The following CUL2 variants were observed in gnomAD, a reference collection of about 807,000 sequenced individuals.
The protein encoded by CUL2 is cullin 2, also known as cullin-2.
In CUL2, 22 loss-of-function variants were observed where a neutral mutation model predicts 110.2. That is an observed-to-expected ratio of 0.20 (90% CI 0.14 to 0.28). CUL2 has a LOEUF of 0.28. Ranked by LOEUF, CUL2 falls within the 10% of genes least tolerant of loss-of-function variation. The pLI is 1.00. For missense variants in CUL2, 631 were observed against 905.5 expected, an observed-to-expected ratio of 0.70 and a Z score of 3.89; for synonymous variants, 279 against 293.2, an observed-to-expected ratio of 0.95 and a Z score of 0.49.
rs141130302 is a variant in CUL2, at chr10:35,020,401, C to T, written c.1685-4007G>A. On this transcript the variant is annotated intron_variant, in intron 17 of 20. Coordinates refer to ENST00000374749, the MANE Select transcript of CUL2 (RefSeq NM_003591.4). ...CATTAGACAATACTAACATCCCTCC[C>T]TATTTTTAGCTGTTGGAATTATTTG... Among the ~76,000 whole-genome samples, 418 of 152,292 alleles carry T rather than the reference C, an allele frequency of 2.7e-3. 1 individual carries two copies. Among genetic ancestry groups the T allele is most frequent in the African/African-American group, 7.4e-3 (307 of 41,558 alleles).
chr10:35,088,101 C>CACTA (rs1175179698), intron 1 of CUL2, among the ~76,000 whole-genome samples: 1 of 152,190 alleles, frequency 6.6e-6, no homozygotes, highest in Non-Finnish European at 1.5e-5. Context: ...ATCTCCCAAT[C>CACTA]ACTACCACAA....
At chr10:35,061,359 C>T (rs1410656364) in intron 3 of CUL2, among the ~76,000 whole-genome samples, 8 of 150,808 alleles carry the variant, frequency 5.3e-5, no homozygotes, top group Non-Finnish European at 3.0e-5. Context: ...CTGTAAGTTC[C>T]AGCTACTTGG....
chr10:35,118,831 G>C (rs1409935923), intron 1 of CUL2: 1 of 152,228 alleles, frequency 6.6e-6, no homozygotes, highest in African/African-American at 2.4e-5. Context: ...ATGTCAAAGT[G>C]CTTCCAGGAT....
At chr10:35,025,542 C>T (rs1284583119) in intron 16 of CUL2, among the ~76,000 whole-genome samples, 2 of 152,142 alleles carry the variant, frequency 1.3e-5, no homozygotes, top group African/African-American at 4.8e-5. Context: ...AACACAGCAA[C>T]ATATATATTT....
intron 4 of CUL2, among the ~76,000 whole-genome samples, chr10:35,056,832 G>A (rs1199421773): frequency 6.6e-6 from 1 of 151,948 alleles, no homozygotes; most frequent in Admixed American, 6.6e-5. Flanking sequence ...CAGTAACCTC[G>A]CCTAAAACAT....
In CUL2 at chr10:35,071,219, T is replaced by C; in HGVS notation, c.99A>G (p.Ala33=). 6.2e-6 allele frequency: 10 copies of C among 1,614,052 alleles called. No individual in the cohort carries two copies. The highest frequency in any genetic ancestry group is 7.6e-6 in the Non-Finnish European group (9 of 1,179,982). The change falls in exon 2 of 21, where the codon GCA becomes GCG. Residue 33 remains alanine (A), a synonymous_variant. Coordinates refer to ENST00000374749, the MANE Select transcript of CUL2 (RefSeq NM_003591.4). ...AVVMLEYVER[A]TWNDRFSDIY... ...GATACGAGAAACGGTCATTCCATGT[T>C]GCTCTTTCGACGTATTCCAACATGA...
intron 1 of CUL2, among the ~76,000 whole-genome samples, chr10:35,076,130 T>G (rs1327475103): frequency 6.6e-6 from 1 of 152,196 alleles, no homozygotes; most frequent in East Asian, 1.9e-4. Context: ...ATCACATGGA[T>G]GACCCTCAAA....
chr10:35,038,159 A>G (rs965065176), intron 9 of CUL2, among the ~76,000 whole-genome samples: 4 of 151,228 alleles, frequency 2.6e-5, no homozygotes, highest in African/African-American at 9.7e-5. Context: ...CAAAAAAATT[A>G]ATTAATTAAA....
chr10:35,041,940 T>A (rs1564715716), intron 8 of CUL2, among the ~76,000 whole-genome samples: 2 of 152,224 alleles, frequency 1.3e-5, no homozygotes, highest in Non-Finnish European at 2.9e-5. Context: ...ATTAAATAAT[T>A]CACCCATTTA....
At chr10:35,054,640 C>T (rs2086198057) in intron 4 of CUL2, 101 bp from the exon 5 acceptor site, 2 of 574,858 alleles carry the variant, frequency 3.5e-6, no homozygotes, top group South Asian at 2.6e-5. Context: ...ACATATAAGC[C>T]ATGGAATAGC....
chr10:35,014,863 A>G (rs1259081369), intron 18 of CUL2, among the ~76,000 whole-genome samples: 2 of 152,202 alleles, frequency 1.3e-5, no homozygotes, highest in Non-Finnish European at 2.9e-5. Context: ...TAAAATTTAA[A>G]GTGCAAACAA....
chr10:35,093,659 CAAAAAAAAAAAA>C (rs58582764), upstream of CUL2, among the ~76,000 whole-genome samples: 1 of 87,840 alleles, frequency 1.1e-5, no homozygotes, highest in African/African-American at 4.4e-5. Flanking sequence ...GACCTTCTCT[CAAAAAAAAAAAA>C]AAAAAAAAAA....
chr10:35,047,627 A>G (rs1372532114), intron 6 of CUL2, among the ~76,000 whole-genome samples: 2 of 150,318 alleles, frequency 1.3e-5, no homozygotes, highest in East Asian at 1.9e-4. Context: ...AAAAAAATAC[A>G]GGCATAAAGG....
At chr10:35,014,677 T>C (rs1370039013) in intron 18 of CUL2, among the ~76,000 whole-genome samples, 1 of 150,866 alleles carries the variant, frequency 6.6e-6, no homozygotes, top group Non-Finnish European at 1.5e-5. Flanking sequence ...TACTAAAAAT[T>C]AAAAAATTAG....
intron 1 of CUL2, among the ~76,000 whole-genome samples, chr10:35,080,072 T>C (rs1446590490): frequency 6.6e-6 from 1 of 152,182 alleles, no homozygotes; most frequent in Non-Finnish European, 1.5e-5. Context: ...GCAGACCCCA[T>C]TGACCGTGGG....
rs185161838 is a variant in CUL2 at position 35,108,698 on chromosome 10, C to G, written c.-50-7638G>C. On this transcript the variant is annotated intron_variant, in intron 1 of 5. Transcript: ENST00000685421. Reference sequence around the variant, plus strand: ...TGAATAGTTCTTTTTCAGGGTTTCTCATGAGATTTCAGTCAAAGTATTGGC... The same window carrying G: ...TGAATAGTTCTTTTTCAGGGTTTCTGATGAGATTTCAGTCAAAGTATTGGC... Among the ~76,000 whole-genome samples, 6 of 152,222 alleles carry G rather than the reference C, an allele frequency of 3.9e-5. No individual in the cohort carries two copies. The East Asian group carries it at 1.2e-3, about 29-fold the overall frequency.
At chr10:35,012,599 T>G (rs956549651) in intron 19 of CUL2, among the ~76,000 whole-genome samples, 1 of 152,162 alleles carries the variant, frequency 6.6e-6, no homozygotes, top group Non-Finnish European at 1.5e-5. Flanking sequence ...CCATGCCACA[T>G]TAAGAGGATC....
intron 10 of CUL2, among the ~76,000 whole-genome samples, chr10:35,033,675 T>C (rs748684850): frequency 6.6e-6 from 1 of 151,320 alleles, no homozygotes; most frequent in Non-Finnish European, 1.5e-5. Context: ...AGGTGGAGGT[T>C]GCAGTGAGCA....
chr10:35,125,412 T>A (rs2087747241), intron 1 of CUL2, among the ~76,000 whole-genome samples: 1 of 152,236 alleles, frequency 6.6e-6, no homozygotes, highest in Non-Finnish European at 1.5e-5. Flanking sequence ...TTGCCATTCC[T>A]TTGATTCTTT....
Sources: allele counts gnomAD v4.1 joint callset (sites outside exome capture counted in the v4.1 genomes callset), GRCh38; gene constraint gnomAD v4.1.1; transcripts MANE v1.5; gene names NCBI Gene and HGNC (gene_info 2026-07-23, HGNC 2026-07-21).